The following ZNF407 variants were observed in gnomAD, a reference collection of about 807,000 sequenced individuals.
ZNF407 encodes zinc finger protein 407.
ZNF407 carries 17 observed loss-of-function variants against 131.2 expected under a neutral mutation model. That is an observed-to-expected ratio of 0.13 (90% confidence interval 0.09 to 0.19). The LOEUF (loss-of-function observed/expected upper bound fraction) is 0.19, where lower values mean the gene tolerates loss of function less well. Among genes scored for constraint, ZNF407 ranks in the 10% least tolerant of loss-of-function variants. ZNF407 has a pLI of 1.00. For synonymous variants in ZNF407, 1,156 were observed against 1,062.0 expected (o/e 1.09, Z -1.72); for missense variants, 2,681 against 2,830.6 (o/e 0.95, Z 1.20).
chr18:74,736,605 A>T (rs474081), intron 3 of ZNF407, among the ~76,000 whole-genome samples: 2 of 152,016 alleles, frequency 1.3e-5, no homozygotes, highest in Non-Finnish European at 2.9e-5. Context: ...TTTTTTTAAC[A>T]TATAAAATGT....
intron 4 of ZNF407, among the ~76,000 whole-genome samples, chr18:74,835,979 G>A (rs1160481033): frequency 1.3e-5 from 2 of 149,494 alleles, no homozygotes; most frequent in African/African-American, 5.0e-5. Context: ...CGGTGGAGAA[G>A]GGCTCCTTTG....
At chr18:74,771,802 C>T (rs1969367632) in intron 3 of ZNF407, among the ~76,000 whole-genome samples, 1 of 150,822 alleles carries the variant, frequency 6.6e-6, no homozygotes, top group East Asian at 1.9e-4. Flanking sequence ...TAGTTTTTCT[C>T]TTCATCATAT....
At chr18:74,904,480 C>T (rs1042520105) in intron 7 of ZNF407, among the ~76,000 whole-genome samples, 10 of 152,222 alleles carry the variant, frequency 6.6e-5, no homozygotes, top group Admixed American at 6.5e-5. Flanking sequence ...ATGTGGGTGA[C>T]AGTCCAGCTT....
At chr18:74,854,077 CCT>C (rs1163284954) in intron 4 of ZNF407, among the ~76,000 whole-genome samples, 8 of 152,140 alleles carry the variant, frequency 5.3e-5, no homozygotes, top group African/African-American at 1.9e-4. Flanking sequence ...GGGGGCCCAG[CCT>C]CTCTGACTGC....
Position 74,633,704 on chromosome 18 carries a change from A to G in ZNF407, c.2685A>G (p.Glu895=). 1 of 1,614,016 alleles carries G rather than the reference A, an allele frequency of 6.2e-7. No homozygotes were observed. The highest frequency in any genetic ancestry group is 8.5e-7 in the Non-Finnish European group (1 of 1,179,896). ...ACACTGTAACTAAGGGAGATATGGA[A>G]CGTCATTGTGCCACCAAGAAACATA... ...KYYTVTKGDM[E]RHCATKKHKG... is the part of the protein sequence containing the mutation. Residue 895 remains glutamate, a synonymous_variant, in exon 2 of 9, where the codon GAA becomes GAG. Transcript: ENST00000299687.
chr18:74,740,661 A>T (rs1053855413), intron 3 of ZNF407, among the ~76,000 whole-genome samples: 41 of 152,024 alleles, frequency 2.7e-4, no homozygotes, highest in African/African-American at 9.4e-4. Flanking sequence ...TGGAGTGGGG[A>T]TTTTTGGCAA....
intron 3 of ZNF407, among the ~76,000 whole-genome samples, chr18:74,686,227 G>A (rs911286785): frequency 3.3e-5 from 5 of 152,056 alleles, no homozygotes; most frequent in African/African-American, 1.2e-4. Context: ...GGCAATATAG[G>A]TTTAGAACTC....
At chr18:75,008,228 A>G (rs550590199) in intron 8 of ZNF407, among the ~76,000 whole-genome samples, 1 of 152,226 alleles carries the variant, frequency 6.6e-6, no homozygotes, top group Non-Finnish European at 1.5e-5. Context: ...ATGAATGCCT[A>G]CACTGTTCCA....
At chr18:74,642,009 CATATT>C (rs1984743787) in intron 3 of ZNF407, among the ~76,000 whole-genome samples, 1 of 92,358 alleles carries the variant, frequency 1.1e-5, no homozygotes, top group African/African-American at 4.3e-5. Flanking sequence ...GCAACTTGCA[CATATT>C]ATATTAGGTT....
At chr18:74,672,573 ATTGGAGCACTGTTTGTCTGTTTG>A in intron 3 of ZNF407, among the ~76,000 whole-genome samples, 1 of 147,290 alleles carries the variant, frequency 6.8e-6, no homozygotes, top group African/African-American at 2.5e-5. Flanking sequence ...CTGTTTGTTC[ATTGGAGCACTGTTTGTCTGTTTG>A]TTGGAGCACT....
intron 4 of ZNF407, chr18:74,804,043 CAA>C (rs748743209): frequency 5.9e-5 from 91 of 1,551,474 alleles, no homozygotes; most frequent in Non-Finnish European, 7.1e-5. Flanking sequence ...CTCTGAAGCC[CAA>C]AGTCTTTGTG....
chr18:75,040,050 G>A (rs1408958240), intron 8 of ZNF407, among the ~76,000 whole-genome samples: 1 of 152,026 alleles, frequency 6.6e-6, no homozygotes, highest in African/African-American at 2.4e-5. Context: ...TAGAACGTTT[G>A]GCCTTTAACT....
intron 3 of ZNF407, among the ~76,000 whole-genome samples, chr18:74,689,475 T>C (rs898427983): frequency 1.3e-5 from 2 of 152,220 alleles, no homozygotes; most frequent in African/African-American, 2.4e-5. Flanking sequence ...AAGTTAGAAA[T>C]AATTGATTGC....
chr18:74,643,892 A>G (rs1984840581), intron 3 of ZNF407, among the ~76,000 whole-genome samples: 1 of 151,980 alleles, frequency 6.6e-6, no homozygotes, highest in East Asian at 1.9e-4. Context: ...CAGTTTTAAG[A>G]TACCATTACC....
intron 4 of ZNF407, among the ~76,000 whole-genome samples, chr18:74,856,826 T>C (rs1314395167): frequency 6.6e-6 from 1 of 152,234 alleles, no homozygotes; most frequent in East Asian, 1.9e-4. Flanking sequence ...TCATCTGATG[T>C]CAGGCTTCTG....
chr18:74,744,930 G>A (rs186004523), intron 3 of ZNF407, among the ~76,000 whole-genome samples: 5 of 152,062 alleles, frequency 3.3e-5, no homozygotes, highest in African/African-American at 9.6e-5. Context: ...TGATTTTATA[G>A]CTTTACCATA....
At chr18:74,955,574 C>T (rs1322882029) in intron 8 of ZNF407, among the ~76,000 whole-genome samples, 1 of 152,116 alleles carries the variant, frequency 6.6e-6, no homozygotes, top group East Asian at 1.9e-4. Flanking sequence ...AAGTATTATT[C>T]TTCATAAGAG....
chr18:75,022,604 G>A (rs1053420105), intron 8 of ZNF407, among the ~76,000 whole-genome samples: 7 of 152,064 alleles, frequency 4.6e-5, no homozygotes, highest in Admixed American at 6.6e-5. Flanking sequence ...CTTAGCATGT[G>A]GTAATTTTAG....
At chr18:74,627,855 C>CCCCGCCCT (rs1983868070) in intron 1 of ZNF407, among the ~76,000 whole-genome samples, 3 of 140,146 alleles carry the variant, frequency 2.1e-5, no homozygotes, top group Admixed American at 1.4e-4. Flanking sequence ...CGCCCCGCCC[C>CCCCGCCCT]GCCCCGCCCC....
Sources: allele counts gnomAD v4.1 joint callset (sites outside exome capture counted in the v4.1 genomes callset), GRCh38; gene constraint gnomAD v4.1.1; transcripts MANE v1.5; gene names NCBI Gene and HGNC (gene_info 2026-07-23, HGNC 2026-07-21).